ARHGAP23: variants seen among roughly 807,000 people sequenced by gnomAD.
The protein encoded by ARHGAP23 is Rho GTPase activating protein 23, also known as rho GTPase-activating protein 23.
A neutral mutation model predicts 136.3 loss-of-function variants in ARHGAP23; 34 were observed. The observed-to-expected ratio is 0.25, with a 90% CI of 0.19 to 0.33. The LOEUF is 0.33. Among genes scored for constraint, ARHGAP23 ranks in the 10% least tolerant of loss-of-function variants. ARHGAP23 has a pLI of 1.00. For synonymous variants in ARHGAP23, 832 were observed against 920.5 expected, an observed-to-expected ratio of 0.90 and a Z score of 1.74; for missense variants, 1,808 against 2,139.0, an observed-to-expected ratio of 0.85 and a Z score of 3.05.
At chr17:38,462,975 T>C in intron 4 of ARHGAP23, 34 bp downstream of exon 4, 1 of 1,543,870 alleles carries the variant, frequency 6.5e-7, no homozygotes, top group Non-Finnish European at 8.8e-7. Context: ...CTCTACTTTC[T>C]ACCTTCTGGC....
intron 1 of ARHGAP23, chr17:38,457,747 C>T: frequency 5.6e-6 from 2 of 357,892 alleles, no homozygotes; most frequent in Non-Finnish European, 1.0e-5. Flanking sequence ...CAGGCACTTC[C>T]TGGGCAGGAA....
intron 17 of ARHGAP23, 106 bp from the exon 18 acceptor site, chr17:38,489,996 C>G (rs868043093): frequency 1.8e-6 from 2 of 1,085,738 alleles, no homozygotes; most frequent in Non-Finnish European, 2.8e-6. Context: ...CTGGAGCCCC[C>G]GAACTGGAGG....
chr17:38,440,225 G>A (rs2038891970), intron 1 of ARHGAP23, among the ~76,000 whole-genome samples: 1 of 151,772 alleles, frequency 6.6e-6, no homozygotes, highest in South Asian at 2.1e-4. Flanking sequence ...CACCATGTTG[G>A]CCAAGCTGGT....
intron 17 of ARHGAP23, among the ~76,000 whole-genome samples, chr17:38,488,917 C>T (rs2040213169): frequency 6.6e-6 from 1 of 152,012 alleles, no homozygotes; most frequent in Non-Finnish European, 1.5e-5. Context: ...ACCCTGTCAT[C>T]CAGGCTGGAG....
rs1457529369 is a variant in ARHGAP23 at position 38,497,826 on chromosome 17, A to G, written c.3318A>G (p.Arg1106=). ...GTGACGAAGAGGACAAGGGAGAGAG[A>G]GTAAGTGATGCCGCGGGCTGGGCTG... ...FFSDEEDKGE[R]TPVGDKEPQA... is the part of the protein sequence containing the mutation. Residue 1106 remains arginine (R), a splice_region_variant and synonymous_variant, in exon 21 of 24, where the codon AGA becomes AGG. Coordinates refer to ENST00000622683, the MANE Select transcript of ARHGAP23 (RefSeq NM_001199417.2). 6.4e-7 allele frequency: 1 copy of G among 1,551,188 alleles called. No homozygotes were observed. Among genetic ancestry groups the G allele is most frequent in the East Asian group, 2.4e-5 (1 of 40,902 alleles).
At chr17:38,482,180 G>A (rs766380346) in intron 15 of ARHGAP23, 37 bp downstream of exon 15, 2 of 1,540,632 alleles carry the variant, frequency 1.3e-6, no homozygotes, top group Admixed American at 2.1e-5. Flanking sequence ...GGCCCAGCAG[G>A]GGGAGACCGA....
Position 38,510,950 on chromosome 17 carries a change from C to G in ARHGAP23, c.4454C>G (p.Ser1485Cys). ...CAGCCCCCGCGCCGCTCGGCCGCCT[C>G]CCGCCTGCATCAGTGTCTGTGATCC... is the stretch of plus-strand genomic sequence containing the variant. ...QSQPPRRSAA[S>C]RLHQCL The change falls in exon 24 of 24, where the codon TCC (serine) becomes TGC (cysteine). Residue 1485 changes from serine to cysteine, a missense_variant. This residue lies in a region of ARHGAP23 where 506 missense variants were observed against 455.8 expected (regional missense o/e 1.11). Coordinates refer to ENST00000622683, the MANE Select transcript of ARHGAP23 (RefSeq NM_001199417.2). The surrounding 1 kb of genome is among the most constrained non-coding windows in gnomAD (Gnocchi z 4.6). 6.9e-7 allele frequency: 1 copy of G among 1,459,402 alleles called. No individual in the cohort carries two copies. The highest frequency in any genetic ancestry group is 8.9e-7 in the Non-Finnish European group (1 of 1,117,826). 90.4% of individuals were successfully genotyped at this position (1,459,402 alleles called of 1,614,324 possible).
At chr17:38,455,726 T>A (rs1416409275) in intron 1 of ARHGAP23, among the ~76,000 whole-genome samples, 2 of 152,188 alleles carry the variant, frequency 1.3e-5, no homozygotes, top group African/African-American at 4.8e-5. Context: ...CAGGGGCTTC[T>A]GGTAGGAGAG....
At chr17:38,470,533 G>A (rs1219704276) in intron 10 of ARHGAP23, among the ~76,000 whole-genome samples, 1 of 152,212 alleles carries the variant, frequency 6.6e-6, no homozygotes, top group Non-Finnish European at 1.5e-5. Flanking sequence ...GCCTGTGATA[G>A]CCCTGGCTGT....
intron 10 of ARHGAP23, among the ~76,000 whole-genome samples, chr17:38,470,655 G>T (rs953740742): frequency 1.3e-5 from 2 of 152,056 alleles, no homozygotes; most frequent in African/African-American, 4.8e-5. Context: ...TCCTGCCTCA[G>T]CCTCCCGAGC....
rs1303074846 is a variant in ARHGAP23, at chr17:38,510,368, G to T, written c.3872G>T (p.Gly1291Val). 4.8e-6 allele frequency: 6 copies of T among 1,244,724 alleles called. No homozygotes were observed. In the Admixed American group the frequency reaches 2.5e-4, roughly 52 times the overall value. The allele number at this position is 1,244,724 out of a possible 1,614,324, so 77.1% of individuals were successfully genotyped here. A position where few individuals can be genotyped will look rare whatever the true frequency, so the allele number is the denominator to read the frequency against. ...AGCCACGTGGAGACGGACACTGAGG[G>T]CGCGGCGGGCGCGGGGCCTGGGGGG... is the stretch of plus-strand genomic sequence containing the variant. ...ELSHVETDTE[G>V]AAGAGPGGRL... Residue 1291 changes from glycine (G) to valine (V), a missense_variant, in exon 24 of 24, where the codon GGC becomes GTC. By Grantham distance (109) the Gly-to-Val change is moderately radical. Coordinates refer to ENST00000622683, the MANE Select transcript of ARHGAP23 (RefSeq NM_001199417.2). The surrounding 1 kb of genome is among the most constrained non-coding windows in gnomAD (Gnocchi z 4.6).
At chr17:38,445,915 C>T (rs960063872) in intron 1 of ARHGAP23, among the ~76,000 whole-genome samples, 14 of 149,380 alleles carry the variant, frequency 9.4e-5, no homozygotes, top group Non-Finnish European at 1.3e-4. Flanking sequence ...AATACAGGTG[C>T]TGGGATTACA....
At chr17:38,474,266 G>A (rs548364681) in intron 11 of ARHGAP23, among the ~76,000 whole-genome samples, 2 of 152,312 alleles carry the variant, frequency 1.3e-5, no homozygotes, top group South Asian at 4.1e-4. Context: ...GGAGACTGGG[G>A]TTATGTCTGT....
At chr17:38,439,379 G>A (rs745999864) in intron 1 of ARHGAP23, among the ~76,000 whole-genome samples, 1 of 152,070 alleles carries the variant, frequency 6.6e-6, no homozygotes, top group East Asian at 1.9e-4. Flanking sequence ...TCCTCTGTGC[G>A]CTAGACCTTG....
chr17:38,419,373 G>T (rs1215202812), exon 1 of ARHGAP23: 1 of 152,164 alleles, frequency 6.6e-6, no homozygotes, highest in Non-Finnish European at 1.5e-5. Flanking sequence ...CGGCGAGGAC[G>T]GCATAGCAGG....
At chr17:38,432,135 C>T (rs983143017) in intron 1 of ARHGAP23, among the ~76,000 whole-genome samples, 1 of 152,202 alleles carries the variant, frequency 6.6e-6, no homozygotes, top group African/African-American at 2.4e-5. Flanking sequence ...ATCCGTCTAC[C>T]CTACCAGGTA....
intron 1 of ARHGAP23, among the ~76,000 whole-genome samples, chr17:38,419,601 C>T (rs1823700222): frequency 6.6e-6 from 1 of 152,008 alleles, no homozygotes; most frequent in Admixed American, 6.5e-5. Flanking sequence ...CACACACACA[C>T]ACACACACAC....
intron 1 of ARHGAP23, among the ~76,000 whole-genome samples, chr17:38,447,853 C>T (rs1283251901): frequency 6.6e-6 from 1 of 152,226 alleles, no homozygotes; most frequent in Admixed American, 6.5e-5. Flanking sequence ...GTTGCCTGGG[C>T]AATGGCCCTG....
At chr17:38,475,520 A>G (rs1297152448) in intron 11 of ARHGAP23, among the ~76,000 whole-genome samples, 1 of 152,108 alleles carries the variant, frequency 6.6e-6, no homozygotes, top group African/African-American at 2.4e-5. Flanking sequence ...GATCCACACG[A>G]TGGGAGGCCA....
Sources: allele counts gnomAD v4.1 joint callset (sites outside exome capture counted in the v4.1 genomes callset), GRCh38; gene constraint gnomAD v4.1.1; regional missense constraint gnomAD v4.1.1; non-coding constraint Gnocchi (gnomAD v3.1); transcripts MANE v1.5; gene names NCBI Gene and HGNC (gene_info 2026-07-23, HGNC 2026-07-21).